The following DLGAP2 variants were observed in gnomAD, a reference collection of about 807,000 sequenced individuals.
The protein encoded by DLGAP2 is disks large-associated protein 2.
DLGAP2 carries 26 observed loss-of-function variants against 100.3 expected under a neutral mutation model. The ratio of observed to expected loss-of-function variants is 0.26; its 90% confidence interval spans 0.19 to 0.36. The LOEUF (loss-of-function observed/expected upper bound fraction) is 0.36, where lower values mean the gene tolerates loss of function less well. Among genes scored for constraint, DLGAP2 ranks in the 10% least tolerant of loss-of-function variants. The pLI is 1.00. For synonymous variants in DLGAP2, 886 were observed against 630.1 expected, an observed-to-expected ratio of 1.41 and a Z score of -6.08; for missense variants, 1,858 against 1,453.2, an observed-to-expected ratio of 1.28 and a Z score of -4.53.
At chr8:1,381,906 G>A (rs1052275806) in intron 3 of DLGAP2, among the ~76,000 whole-genome samples, 1 of 151,170 alleles carries the variant, frequency 6.6e-6, no homozygotes, top group East Asian at 2.0e-4. Flanking sequence ...AATATAAAAT[G>A]TACGTTTCTT....
chr8:1,672,149 G>C (rs1184994269), intron 10 of DLGAP2, among the ~76,000 whole-genome samples: 1 of 152,116 alleles, frequency 6.6e-6, no homozygotes, highest in East Asian at 1.9e-4. Context: ...TAACATTCAG[G>C]GTCCTTCTGT....
chr8:1,291,789 C>T (rs971956989), intron 3 of DLGAP2, among the ~76,000 whole-genome samples: 4 of 152,098 alleles, frequency 2.6e-5, no homozygotes, highest in Admixed American at 2.0e-4. Flanking sequence ...CAGTTTTCAT[C>T]ATACGAGCAA....
chr8:1,233,315 A>G (rs914197416), intron 2 of DLGAP2, among the ~76,000 whole-genome samples: 6 of 152,198 alleles, frequency 3.9e-5, no homozygotes, highest in African/African-American at 1.4e-4. Context: ...GCCACGTGAT[A>G]TATTTACAGA....
intron 13 of DLGAP2, among the ~76,000 whole-genome samples, chr8:1,694,048 C>G (rs1382861840): frequency 6.6e-6 from 1 of 152,216 alleles, no homozygotes; most frequent in East Asian, 1.9e-4. Context: ...TTCAGACCTG[C>G]TAAATGTTCC....
chr8:1,064,733 T>G (rs541628870), intron 2 of DLGAP2, among the ~76,000 whole-genome samples: 27 of 152,282 alleles, frequency 1.8e-4, no homozygotes, highest in African/African-American at 6.5e-4. Flanking sequence ...GCTCTGCCAA[T>G]TATATATAAC....
At position 1,367,910 on chromosome 8, in the gene DLGAP2, A is replaced by G. The variant is rs188787632; in HGVS notation, c.106+109027A>G. Among the ~76,000 whole-genome samples the G allele has an allele frequency of 2.0e-5, 3 of 152,378 alleles. No individual in the cohort carries two copies. In the East Asian group the frequency reaches 5.8e-4, roughly 29 times the overall value. ...AGGGGGCAGAGAAGTCAGATACCCG[A>G]ACAAGCTCAGTTGTTCCGGATGATC... On this transcript the variant is annotated intron_variant, in intron 3 of 14. Transcript: ENST00000637795.
intron 2 of DLGAP2, among the ~76,000 whole-genome samples, chr8:1,033,732 G>T (rs1200477870): frequency 6.6e-6 from 1 of 150,398 alleles, no homozygotes; most frequent in African/African-American, 2.4e-5. Flanking sequence ...GTGTCACCGC[G>T]AGTGGGTTCA....
chr8:1,277,185 G>A (rs1045183038), intron 3 of DLGAP2, among the ~76,000 whole-genome samples: 1 of 152,194 alleles, frequency 6.6e-6, no homozygotes, highest in South Asian at 2.1e-4. Context: ...CATTCAAAGT[G>A]TGGCTATTTT....
At chr8:927,759 G>A (rs1798850032) in intron 2 of DLGAP2, among the ~76,000 whole-genome samples, 1 of 152,118 alleles carries the variant, frequency 6.6e-6, no homozygotes, top group African/African-American at 2.4e-5. Context: ...GTTAGAGTTG[G>A]GAATTACTGT....
chr8:748,031 G>A (rs527786493), intron 1 of DLGAP2, among the ~76,000 whole-genome samples: 1 of 20,694 alleles, frequency 4.8e-5, no homozygotes. Context: ...GGTCTGCGGT[G>A]GGATGGGCGG....
At chr8:1,271,212 G>A (rs1314850058) in intron 3 of DLGAP2, among the ~76,000 whole-genome samples, 2 of 152,166 alleles carry the variant, frequency 1.3e-5, no homozygotes, top group Non-Finnish European at 2.9e-5. Context: ...CAAGATTAGT[G>A]CCAAACAGGC....
chr8:1,152,914 C>G (rs1232652783), intron 2 of DLGAP2, among the ~76,000 whole-genome samples: 1 of 152,232 alleles, frequency 6.6e-6, no homozygotes, highest in South Asian at 2.1e-4. Context: ...AAATCAGCAT[C>G]TTTTTGCAAA....
chr8:1,511,364 TAGTGTAGG>T, intron 4 of DLGAP2, among the ~76,000 whole-genome samples: 2 of 146,348 alleles, frequency 1.4e-5, no homozygotes, highest in African/African-American at 5.0e-5. Context: ...AAGGGCTGTC[TAGTGTAGG>T]ACAATCAGTA....
At chr8:934,752 TG>T (rs1799031825) in intron 2 of DLGAP2, among the ~76,000 whole-genome samples, 1 of 152,032 alleles carries the variant, frequency 6.6e-6, no homozygotes, top group Non-Finnish European at 1.5e-5. Flanking sequence ...CTCGGGGAGA[TG>T]GAACATTTGG....
intron 2 of DLGAP2, among the ~76,000 whole-genome samples, chr8:1,153,511 C>G (rs1296057363): frequency 2.6e-5 from 4 of 152,186 alleles, no homozygotes; most frequent in African/African-American, 9.7e-5. Context: ...TCCAGGAACA[C>G]ATTCTACCAA....
At chr8:962,274 G>A (rs1181664762) in intron 2 of DLGAP2, among the ~76,000 whole-genome samples, 1 of 152,190 alleles carries the variant, frequency 6.6e-6, no homozygotes, top group Non-Finnish European at 1.5e-5. Context: ...AACAGATGGC[G>A]AAGTAAGGAG....
intron 2 of DLGAP2, among the ~76,000 whole-genome samples, chr8:958,087 C>T (rs1341475106): frequency 6.6e-6 from 1 of 152,244 alleles, no homozygotes; most frequent in East Asian, 1.9e-4. Flanking sequence ...CTTTCTGTGT[C>T]TATAAATCTG....
chr8:1,370,572 T>A (rs1239439249), intron 3 of DLGAP2, among the ~76,000 whole-genome samples: 8 of 152,348 alleles, frequency 5.3e-5, no homozygotes, highest in Non-Finnish European at 1.0e-4. Context: ...AAAGTCAATT[T>A]TACAAAAGAA....
chr8:1,571,103 A>G (rs1971654), intron 6 of DLGAP2, among the ~76,000 whole-genome samples: 39,656 of 72,164 alleles, frequency 0.55, 10,805 homozygotes, highest in Middle Eastern at 0.66. Context: ...AACTGTGGGG[A>G]CATCTGATGA....
Sources: gnomAD v4.1 joint callset for allele counts (sites outside exome capture counted in the v4.1 genomes callset) on GRCh38, gnomAD v4.1.1 for gene constraint, MANE v1.5 for transcripts, NCBI Gene and HGNC (gene_info 2026-07-23, HGNC 2026-07-21) for gene names.